C11orf65: variants seen among roughly 807,000 people sequenced by gnomAD.
C11orf65 encodes chromosome 11 open reading frame 65, also known as protein MFI.
A neutral mutation model predicts 35.3 loss-of-function variants in C11orf65; 38 were observed. The ratio of observed to expected loss-of-function variants is 1.08; its 90% CI spans 0.83 to 1.41. The LOEUF is 1.41. Among genes scored for constraint, C11orf65 ranks in the 40% most tolerant of loss-of-function variants. The pLI, the probability that C11orf65 is intolerant of heterozygous loss-of-function variation, is 0.00. For missense variants in C11orf65, 370 were observed against 367.1 expected, an observed-to-expected ratio of 1.01 and a Z score of -0.06; for synonymous variants, 105 against 114.4, an observed-to-expected ratio of 0.92 and a Z score of 0.53.
chr11:108,350,814 T>C (rs1016944590), intron 2 of C11orf65, among the ~76,000 whole-genome samples: 17 of 152,276 alleles, frequency 1.1e-4, no homozygotes, highest in Admixed American at 3.3e-4. Flanking sequence ...TCCATTCAGG[T>C]CGTGCTAAAA....
chr11:108,460,673 T>C (rs989824662), intron 2 of C11orf65, among the ~76,000 whole-genome samples: 6 of 152,178 alleles, frequency 3.9e-5, no homozygotes, highest in African/African-American at 9.7e-5. Context: ...TCAATAAATA[T>C]TTGTGCAGCT....
At chr11:108,417,547 A>C (rs2092754546) in intron 3 of C11orf65, among the ~76,000 whole-genome samples, 1 of 151,886 alleles carries the variant, frequency 6.6e-6, no homozygotes, top group African/African-American at 2.4e-5. Flanking sequence ...ACTCTGTCTC[A>C]AAAAAACAAA....
At chr11:108,350,368 T>C (rs1482468419) in intron 2 of C11orf65, among the ~76,000 whole-genome samples, 1 of 152,078 alleles carries the variant, frequency 6.6e-6, no homozygotes. Flanking sequence ...AAACTAGAAA[T>C]CTCAGTCAAA....
chr11:108,430,947 G>C (rs948623678), intron 3 of C11orf65, among the ~76,000 whole-genome samples: 1 of 143,194 alleles, frequency 7.0e-6, no homozygotes, highest in African/African-American at 2.7e-5. Flanking sequence ...CACACACACA[G>C]AGGAGAGTTG....
intron 8 of C11orf65, 34 bp from the exon 9 acceptor site, chr11:108,383,209 C>A: frequency 6.7e-7 from 1 of 1,493,886 alleles, no homozygotes; most frequent in South Asian, 1.3e-5. Context: ...AGAAAGATAC[C>A]AGATATAATA....
chr11:108,375,254 T>A (rs1457635307), intron 2 of C11orf65, among the ~76,000 whole-genome samples: 2 of 151,794 alleles, frequency 1.3e-5, no homozygotes, highest in Non-Finnish European at 2.9e-5. Flanking sequence ...CGGGTTACCC[T>A]CAAAGGGAAG....
intron 2 of C11orf65, among the ~76,000 whole-genome samples, chr11:108,450,263 C>G (rs2093328211): frequency 6.6e-6 from 1 of 151,874 alleles, no homozygotes; most frequent in African/African-American, 2.4e-5. Flanking sequence ...TACCATTTGA[C>G]CCAGCCATCC....
intron 7 of C11orf65, among the ~76,000 whole-genome samples, chr11:108,386,886 C>T (rs752117332): frequency 5.3e-5 from 8 of 151,782 alleles, no homozygotes; most frequent in African/African-American, 1.9e-4. Context: ...TCGAGACGAC[C>T]CTGGCTAACA....
chr11:108,331,323 G>A, downstream of C11orf65: 1 of 1,467,730 alleles, frequency 6.8e-7, no homozygotes, highest in African/African-American at 1.4e-5. Context: ...TATAGTTAGT[G>A]AAGTTTTGTT....
intron 3 of C11orf65, among the ~76,000 whole-genome samples, chr11:108,414,173 TAACTAAGAAA>T (rs1178991917): frequency 6.6e-6 from 1 of 151,812 alleles, no homozygotes; most frequent in African/African-American, 2.4e-5. Flanking sequence ...CTGGCTAGGG[TAACTAAGAAA>T]AAAAGACAGA....
chr11:108,457,737 A>G (rs533048777), intron 2 of C11orf65, among the ~76,000 whole-genome samples: 1 of 152,206 alleles, frequency 6.6e-6, no homozygotes, highest in Non-Finnish European at 1.5e-5. Flanking sequence ...AAATTATTCT[A>G]TATTACTTAT....
intron 6 of C11orf65, among the ~76,000 whole-genome samples, chr11:108,401,672 C>A (rs552552856): frequency 6.6e-6 from 1 of 152,222 alleles, no homozygotes; most frequent in Admixed American, 6.5e-5. Context: ...TAAAAGGTAA[C>A]TTAACTCTTT....
chr11:108,467,028 T>TA (rs1346142552), intron 1 of C11orf65, among the ~76,000 whole-genome samples: 5 of 151,944 alleles, frequency 3.3e-5, no homozygotes, highest in South Asian at 2.1e-4. Context: ...TTTCCATCTC[T>TA]AAAAAAACTG....
At position 108,461,591 on chromosome 11, in the gene C11orf65, G is replaced by A. The variant is rs1426273697; in HGVS notation, c.-9-23C>T. ...TTCCTAAAAGAAAATGAGCAAAAAG[G>A]GTACATTTAAAATAATTTTAATTTA... is the stretch of plus-strand genomic sequence containing the variant. On this transcript the variant is annotated intron_variant, in intron 1 of 8. Coordinates refer to ENST00000393084, the MANE Select transcript of C11orf65 (RefSeq NM_152587.5). 3.8e-6 allele frequency: 5 copies of A among 1,322,038 alleles called. No homozygotes were observed. The African/African-American group carries it at 7.4e-5, about 20-fold the overall frequency. The allele number at this position is 1,322,038 out of a possible 1,614,324, so 81.9% of individuals were successfully genotyped here.
At chr11:108,379,342 T>C (rs1012395752), downstream of C11orf65, among the ~76,000 whole-genome samples, 3 of 151,842 alleles carry the variant, frequency 2.0e-5, no homozygotes, top group East Asian at 1.9e-4. Flanking sequence ...ATGGATGAAA[T>C]TGGAAATCAT....
chr11:108,385,660 C>T (rs370304310), intron 8 of C11orf65, among the ~76,000 whole-genome samples: 22 of 148,358 alleles, frequency 1.5e-4, no homozygotes, highest in South Asian at 1.3e-3. Flanking sequence ...CCAGCCTGGG[C>T]GACAGAGCAA....
chr11:108,330,975 T>C (rs2086179632), downstream of C11orf65, among the ~76,000 whole-genome samples: 3 of 152,226 alleles, frequency 2.0e-5, no homozygotes, highest in African/African-American at 7.2e-5. Context: ...GTTAGTCAAT[T>C]TGAAGGTTAG....
chr11:108,320,098 A>T (rs993728152), intron 6 of C11orf65: 1 of 1,411,514 alleles, frequency 7.1e-7, no homozygotes, highest in African/African-American at 1.4e-5. Context: ...TTAACATTTA[A>T]TGTCATGGCT....
chr11:108,317,554 CCTCT>C (rs755658856), intron 6 of C11orf65: 11 of 1,507,520 alleles, frequency 7.3e-6, no homozygotes, highest in Non-Finnish European at 8.1e-6. Context: ...TTTTTTTTTG[CCTCT>C]CTCCTCATTC....
Sources: gnomAD v4.1 joint callset for allele counts (sites outside exome capture counted in the v4.1 genomes callset) on GRCh38, gnomAD v4.1.1 for gene constraint, MANE v1.5 for transcripts, NCBI Gene and HGNC (gene_info 2026-07-23, HGNC 2026-07-21) for gene names.